Variants in PLCB1 observed in about 807,000 individuals in gnomAD.
PLCB1 encodes 1-phosphatidylinositol 4,5-bisphosphate phosphodiesterase beta-1.
A neutral mutation model predicts 161.8 loss-of-function variants in PLCB1; 46 were observed. The observed-to-expected ratio is 0.28, with a 90% CI of 0.22 to 0.36. The LOEUF is 0.36. Among genes scored for constraint, PLCB1 ranks in the 10% least tolerant of loss-of-function variants. The pLI is 1.00. For synonymous variants in PLCB1, 517 were observed against 503.7 expected, an observed-to-expected ratio of 1.03 and a Z score of -0.35; for missense variants, 1,016 against 1,472.5, an observed-to-expected ratio of 0.69 and a Z score of 5.07.
Position 8,628,407 on chromosome 20 carries a change from G to T in PLCB1, c.360G>T (p.Val120=). The T allele has an allele frequency of 1.1e-5, 17 of 1,614,012 alleles. No homozygotes were observed. The highest frequency in any genetic ancestry group is 1.3e-5 in the African/African-American group (1 of 75,004). Residue 120 remains valine (V), a synonymous_variant, in exon 4 of 32, where the codon GTG becomes GTT. Coordinates refer to ENST00000338037, the MANE Select transcript of PLCB1 (RefSeq NM_015192.4). ...TGAACATCTCCCATTTGAATCTCGT[G>T]GCTTTCCAAGAAGAAGTGGCCAAGG... The part of the protein sequence containing the change: ...DLVNISHLNL[V]AFQEEVAKEW...
At chr20:8,199,156 G>A (rs1336588795) in intron 2 of PLCB1, among the ~76,000 whole-genome samples, 2 of 151,974 alleles carry the variant, frequency 1.3e-5, no homozygotes, top group African/African-American at 4.8e-5. Context: ...TGAACATTGA[G>A]CAAATATTAT....
At chr20:8,232,259 T>C (rs535843581) in intron 2 of PLCB1, among the ~76,000 whole-genome samples, 33 of 152,058 alleles carry the variant, frequency 2.2e-4, no homozygotes, top group African/African-American at 7.5e-4. Context: ...GAAAAGATCA[T>C]GCTTTCAGAT....
Position 8,881,780 on chromosome 20 carries a change from C to G in PLCB1, c.3582C>G (p.Asn1194Lys). 1 of 1,614,068 alleles carries G rather than the reference C, an allele frequency of 6.2e-7. No homozygotes were observed. The highest frequency in any genetic ancestry group is 1.3e-5 in the African/African-American group (1 of 75,038). Reference sequence around the variant, plus strand: ...TGTCCTCAGACCCTGGAAAAGTGAACCACAAGACTCCCTCCAGTGAGGAGC... The same window carrying G: ...TGTCCTCAGACCCTGGAAAAGTGAAGCACAAGACTCCCTCCAGTGAGGAGC... Reference protein sequence around the residue: ...LSLSSDPGKVNHKTPSSEELG... With the variant: ...LSLSSDPGKVKHKTPSSEELG... The change falls in exon 32 of 32, where the codon AAC (asparagine) becomes AAG (lysine). Residue 1194 changes from asparagine (N) to lysine (K), a missense_variant. Asn to Lys is a moderately conservative substitution (Grantham distance 94). Transcript: ENST00000338037.
At chr20:8,586,577 G>A (rs1050627168) in intron 3 of PLCB1, among the ~76,000 whole-genome samples, 9 of 152,024 alleles carry the variant, frequency 5.9e-5, no homozygotes, top group African/African-American at 9.7e-5. Flanking sequence ...TACATTGGCC[G>A]GCCTGATAAA....
intron 23 of PLCB1, among the ~76,000 whole-genome samples, chr20:8,743,677 A>G (rs1980999658): frequency 6.6e-6 from 1 of 152,218 alleles, no homozygotes; most frequent in Admixed American, 6.5e-5. Context: ...AATGCTAAGT[A>G]GCTTGCTGTT....
chr20:8,608,383 C>G (rs1280093386), intron 3 of PLCB1, among the ~76,000 whole-genome samples: 1 of 152,086 alleles, frequency 6.6e-6, no homozygotes, highest in Non-Finnish European at 1.5e-5. Flanking sequence ...CAAAATTACT[C>G]TCTTTACTCA....
At chr20:8,447,698 G>C (rs1980897557) in intron 3 of PLCB1, among the ~76,000 whole-genome samples, 1 of 152,180 alleles carries the variant, frequency 6.6e-6, no homozygotes, top group Admixed American at 6.5e-5. Context: ...TCCTAGAGCT[G>C]TCCAACAAGG....
At position 8,823,589 on chromosome 20, in the gene PLCB1, T is replaced by G. The variant is rs181743978; in HGVS notation, c.3423+33328T>G. On this transcript the variant is annotated intron_variant, in intron 31 of 31. Coordinates refer to ENST00000338037, the MANE Select transcript of PLCB1 (RefSeq NM_015192.4). ...GTACACTTTACCCAGTTTTATACCA[T>G]ATTCAACTATTGATATTTGATTTGA... 3.7e-3 allele frequency among the ~76,000 whole-genome samples: 561 copies of G among 152,342 alleles called. 2 individuals carry two copies. The highest frequency in any genetic ancestry group is 5.9e-3 in the Admixed American group (90 of 15,300).
Position 8,737,106 on chromosome 20 carries a change from A to G in PLCB1, c.2122A>G (p.Thr708Ala). ...EVDMFGLPVD[T>A]RRKAFKTKTS... is the part of the protein sequence containing the mutation. ...AGATATGTTTGGTTTGCCTGTGGAT[A>G]CAAGGAGGAAGGCATTTAAGACCAA... Residue 708 changes from threonine (T) to alanine (A), a missense_variant, in exon 20 of 32, where the codon ACA becomes GCA. Physicochemically the swap from Thr to Ala is moderately conservative, Grantham distance 58 (BLOSUM62 0). Around this residue, in one of 10 missense-constraint regions of PLCB1, gnomAD observed 67 missense variants for 195.6 expected, o/e 0.34. Coordinates refer to ENST00000338037, the MANE Select transcript of PLCB1 (RefSeq NM_015192.4). 3 of 1,613,708 alleles carry G rather than the reference A, an allele frequency of 1.9e-6. No homozygotes were observed. Among genetic ancestry groups the G allele is most frequent in the Non-Finnish European group, 2.5e-6 (3 of 1,179,674 alleles).
chr20:8,426,583 A>C (rs1161215406), intron 3 of PLCB1, among the ~76,000 whole-genome samples: 3 of 152,202 alleles, frequency 2.0e-5, no homozygotes, highest in Non-Finnish European at 2.9e-5. Flanking sequence ...AGAGCAGCAG[A>C]TATGTAGGAT....
chr20:8,289,376 A>G (rs1983277545), intron 2 of PLCB1, among the ~76,000 whole-genome samples: 1 of 152,146 alleles, frequency 6.6e-6, no homozygotes, highest in Admixed American at 6.5e-5. Context: ...GAGGAACTGC[A>G]TTTCCACTGA....
chr20:8,336,687 T>A (rs1282051468), intron 2 of PLCB1, among the ~76,000 whole-genome samples: 1 of 152,176 alleles, frequency 6.6e-6, no homozygotes, highest in Non-Finnish European at 1.5e-5. Context: ...AGAAATAGAT[T>A]CCTGTCTTGG....
At chr20:8,824,461 A>T (rs1005085715) in intron 31 of PLCB1, among the ~76,000 whole-genome samples, 1 of 152,200 alleles carries the variant, frequency 6.6e-6, no homozygotes, top group Non-Finnish European at 1.5e-5. Context: ...TTTCTGCTTT[A>T]TTAATCCATA....
At chr20:8,808,461 TTACTTCATTAAA>T (rs1984651658) in intron 31 of PLCB1, among the ~76,000 whole-genome samples, 1 of 152,158 alleles carries the variant, frequency 6.6e-6, no homozygotes, top group African/African-American at 2.4e-5. Context: ...TTAACCTTAA[TTACTTCATTAAA>T]GATCCTGTCT....
chr20:8,184,912 G>A (rs908423665), intron 2 of PLCB1, among the ~76,000 whole-genome samples: 2 of 151,688 alleles, frequency 1.3e-5, no homozygotes, highest in Non-Finnish European at 2.9e-5. Context: ...ATCTGCATTA[G>A]GTATTTCTCC....
chr20:8,524,453 C>T (rs1050578681), intron 3 of PLCB1, among the ~76,000 whole-genome samples: 1 of 152,132 alleles, frequency 6.6e-6, no homozygotes, highest in Non-Finnish European at 1.5e-5. Flanking sequence ...GGTCATGGCA[C>T]TTGTTTCTCT....
chr20:8,637,599 T>C (rs1458029069), intron 4 of PLCB1, among the ~76,000 whole-genome samples: 2 of 152,130 alleles, frequency 1.3e-5, no homozygotes, highest in Non-Finnish European at 2.9e-5. Flanking sequence ...ATTATCCAAA[T>C]ATAAACCATG....
intron 3 of PLCB1, among the ~76,000 whole-genome samples, chr20:8,413,818 A>G (rs1021103768): frequency 1.3e-5 from 2 of 152,240 alleles, no homozygotes; most frequent in African/African-American, 4.8e-5. Flanking sequence ...TAATTGGTCT[A>G]GCACCATCTC....
chr20:8,455,328 CAAAAAAA>C (rs1237714702), intron 3 of PLCB1, among the ~76,000 whole-genome samples: 3 of 98,206 alleles, frequency 3.1e-5, no homozygotes, highest in African/African-American at 1.1e-4. Context: ...AACTCCATCA[CAAAAAAA>C]AAAAAAAAAT....
Sources: allele counts gnomAD v4.1 joint callset (sites outside exome capture counted in the v4.1 genomes callset), GRCh38; gene constraint gnomAD v4.1.1; regional missense constraint gnomAD v4.1.1; transcripts MANE v1.5; gene names NCBI Gene and HGNC (gene_info 2026-07-23, HGNC 2026-07-21).